Variants in RIC1 observed in about 807,000 individuals in gnomAD.
RIC1 encodes guanine nucleotide exchange factor subunit RIC1.
Under a neutral mutation model 169.0 loss-of-function variants are expected in RIC1, and 88 were observed. The ratio of observed to expected loss-of-function variants is 0.52; its 90% CI spans 0.44 to 0.62. RIC1 has a LOEUF of 0.62. RIC1 is among the 20% of genes least tolerant of loss of function. The pLI, the probability that RIC1 is intolerant of heterozygous loss-of-function variation, is 0.00. For missense variants in RIC1, 1,877 were observed against 1,725.5 expected (o/e 1.09, Z -1.56); for synonymous variants, 790 against 601.5 (o/e 1.31, Z -4.59).
At position 5,739,004 on chromosome 9, in the gene RIC1, T is replaced by G. The variant is rs144040923; in HGVS notation, c.901+466T>G. On this transcript the variant is annotated intron_variant, in intron 8 of 25. Coordinates refer to ENST00000414202, the MANE Select transcript of RIC1 (RefSeq NM_020829.4). ...TTTGTATTTAAATTTTGTAGTTGAGTGACTGAGGTTCCCACTGTTAGATCT... is the reference window on the plus strand; with the variant it reads ...TTTGTATTTAAATTTTGTAGTTGAGGGACTGAGGTTCCCACTGTTAGATCT... Among the ~76,000 whole-genome samples the G allele has an allele frequency of 1.5e-3, 232 of 152,192 alleles. 4 individuals carry two copies. The highest frequency in any genetic ancestry group is 0.013 in the East Asian group (69 of 5,182).
intron 3 of RIC1, among the ~76,000 whole-genome samples, chr9:5,704,572 G>T (rs897512056): frequency 1.3e-5 from 2 of 151,828 alleles, no homozygotes; most frequent in African/African-American, 4.8e-5. Flanking sequence ...TATATATTCT[G>T]GATACTACAT....
At chr9:5,747,659 C>G (rs1825462348) in intron 12 of RIC1, among the ~76,000 whole-genome samples, 154 bp downstream of exon 12, 1 of 152,196 alleles carries the variant, frequency 6.6e-6, no homozygotes, top group Non-Finnish European at 1.5e-5. Flanking sequence ...TGTTCTTGTC[C>G]TCTAGTCTTC....
At position 5,776,441 on chromosome 9, in the gene RIC1, A is replaced by G. The variant is rs1379510471; in HGVS notation, c.*2195A>G. On this transcript the variant is annotated 3_prime_UTR_variant, in exon 26 of 26. Coordinates refer to ENST00000414202, the MANE Select transcript of RIC1 (RefSeq NM_020829.4). ...TAATAAATTATTTGCTGAAACCAAA[A>G]CAAGTCATTGGGGGTGTGGGAATAA... is the stretch of plus-strand genomic sequence containing the variant. 1 of 152,078 alleles carries G rather than the reference A, an allele frequency of 6.6e-6. No homozygotes were observed. The highest frequency in any genetic ancestry group is 2.4e-5 in the African/African-American group (1 of 41,434). 9.4% of individuals were successfully genotyped at this position (152,078 alleles called of 1,614,324 possible). A position where few individuals can be genotyped will look rare whatever the true frequency, so the allele number is the denominator to read the frequency against.
At chr9:5,665,260 C>T (rs1329612942) in intron 2 of RIC1, among the ~76,000 whole-genome samples, 1 of 152,136 alleles carries the variant, frequency 6.6e-6, no homozygotes, top group East Asian at 1.9e-4. Context: ...CTCACATTGT[C>T]AGTGGTGTGT....
chr9:5,676,719 T>A (rs914506157), intron 2 of RIC1, among the ~76,000 whole-genome samples: 1 of 152,214 alleles, frequency 6.6e-6, no homozygotes, highest in African/African-American at 2.4e-5. Flanking sequence ...AATCCCCACC[T>A]CTCTCAAAAC....
At chr9:5,690,812 T>C (rs1159603187) in intron 3 of RIC1, among the ~76,000 whole-genome samples, 1 of 151,894 alleles carries the variant, frequency 6.6e-6, no homozygotes, top group Admixed American at 6.6e-5. Context: ...ATAAAAGAGA[T>C]ATATAAATTG....
At chr9:5,776,561 T>C (rs2131176040), downstream of RIC1, 1 of 152,238 alleles carries the variant, frequency 6.6e-6, no homozygotes, top group East Asian at 1.9e-4. Flanking sequence ...ACACAAACTT[T>C]GGTTTATTCA....
chr9:5,714,328 G>C (rs1044301256), intron 4 of RIC1, among the ~76,000 whole-genome samples: 2 of 152,142 alleles, frequency 1.3e-5, no homozygotes, highest in Admixed American at 6.5e-5. Context: ...TTGAGGAAAA[G>C]AGAAAGTGCC....
intron 19 of RIC1, chr9:5,764,975 C>G (rs1235132106): frequency 6.5e-6 from 1 of 153,906 alleles, no homozygotes; most frequent in Non-Finnish European, 1.4e-5. Context: ...TGCTATTGCC[C>G]AAAGCAAAGA....
intron 12 of RIC1, among the ~76,000 whole-genome samples, chr9:5,751,390 C>G (rs1029152168): frequency 2.0e-5 from 3 of 151,832 alleles, no homozygotes; most frequent in Non-Finnish European, 4.4e-5. Flanking sequence ...GAGTCTCACT[C>G]TGTTGCCCAG....
intron 7 of RIC1, 94 bp downstream of exon 7, chr9:5,732,573 T>A: frequency 1.5e-6 from 1 of 688,580 alleles, no homozygotes; most frequent in Non-Finnish European, 2.5e-6. Context: ...AACATACTTA[T>A]AAACTGCATC....
At chr9:5,769,646 T>C in intron 22 of RIC1, 1 of 351,360 alleles carries the variant, frequency 2.8e-6, no homozygotes, top group Non-Finnish European at 5.1e-6. Flanking sequence ...CCTTCTAAAC[T>C]AGGAGAGGAC....
chr9:5,636,568 C>G (rs556796520), intron 1 of RIC1, among the ~76,000 whole-genome samples: 1 of 152,244 alleles, frequency 6.6e-6, no homozygotes, highest in South Asian at 2.1e-4. Flanking sequence ...ATCTGCCTGC[C>G]TCAGCCTCCC....
intron 2 of RIC1, among the ~76,000 whole-genome samples, chr9:5,677,693 AT>A (rs926054814): frequency 2.9e-4 from 44 of 151,146 alleles, no homozygotes; most frequent in Non-Finnish European, 4.7e-4. Flanking sequence ...GTTCATCTCA[AT>A]TTTTTTTTGT....
intron 3 of RIC1, among the ~76,000 whole-genome samples, chr9:5,692,136 G>C (rs1373684563): frequency 6.6e-6 from 1 of 152,068 alleles, no homozygotes. Flanking sequence ...TTAGGTTTCA[G>C]TGGCTGGCCT....
downstream of RIC1, among the ~76,000 whole-genome samples, chr9:5,777,253 C>T (rs1169610056): frequency 2.6e-5 from 4 of 151,612 alleles, no homozygotes; most frequent in South Asian, 4.2e-4. Flanking sequence ...ATATAAATTG[C>T]AACTATTTCT....
In RIC1 at chr9:5,765,792, G is replaced by GA; in HGVS notation, c.3136dup (p.Arg1046LysfsTer7). ...CTAAGTATGCCATCTGGTCCCTCTG[G>GA]AAAAAGGTAAAATAATAAAGAGCCA... On this transcript the variant is annotated frameshift_variant, in exon 21 of 26. Coordinates refer to ENST00000414202, the MANE Select transcript of RIC1 (RefSeq NM_020829.4). LOFTEE classifies it high-confidence loss of function. The GA allele has an allele frequency of 6.2e-7, 1 of 1,613,518 alleles. No individual in the cohort carries two copies. The highest frequency in any genetic ancestry group is 8.5e-7 in the Non-Finnish European group (1 of 1,179,840).
chr9:5,737,737 G>A (rs1824812997), intron 7 of RIC1, among the ~76,000 whole-genome samples: 1 of 151,364 alleles, frequency 6.6e-6, no homozygotes, highest in Non-Finnish European at 1.5e-5. Flanking sequence ...ATAGCATACT[G>A]TTGACTGGAA....
In RIC1 at chr9:5,774,482, C is replaced by G; in HGVS notation, c.*236C>G. On this transcript the variant is annotated 3_prime_UTR_variant, in exon 26 of 26. Coordinates refer to ENST00000414202, the MANE Select transcript of RIC1 (RefSeq NM_020829.4). Reference sequence around the variant, plus strand: ...GCTGCAGTGAAAAGTAAATATTGTACAGATGTACATGAGAATATTTTGGTT... The same window carrying G: ...GCTGCAGTGAAAAGTAAATATTGTAGAGATGTACATGAGAATATTTTGGTT... 5.3e-6 allele frequency: 2 copies of G among 377,954 alleles called. No individual in the cohort carries two copies. The highest frequency in any genetic ancestry group is 6.9e-4 in the Middle Eastern group (1 of 1,450). 23.4% of individuals were successfully genotyped at this position (377,954 alleles called of 1,614,324 possible).
Sources: gnomAD v4.1 joint callset for allele counts (sites outside exome capture counted in the v4.1 genomes callset) on GRCh38, gnomAD v4.1.1 for gene constraint, MANE v1.5 for transcripts, NCBI Gene and HGNC (gene_info 2026-07-23, HGNC 2026-07-21) for gene names.